PHLPP1: variants seen among roughly 807,000 people sequenced by gnomAD.
PHLPP1 encodes PH domain and leucine rich repeat protein phosphatase 1.
Under a neutral mutation model 117.2 loss-of-function variants are expected in PHLPP1, and 42 were observed. That is an observed-to-expected ratio of 0.36 (90% CI 0.28 to 0.46). The LOEUF is 0.46. PHLPP1 is among the 20% of genes least tolerant of loss of function. PHLPP1 has a pLI of 1.00. For synonymous variants in PHLPP1, 1,042 were observed against 970.7 expected (o/e 1.07, Z -1.37); for missense variants, 2,084 against 2,241.9 (o/e 0.93, Z 1.42).
At chr18:62,840,859 G>A (rs1485317633) in intron 3 of PHLPP1, among the ~76,000 whole-genome samples, 1 of 152,114 alleles carries the variant, frequency 6.6e-6, no homozygotes, top group Non-Finnish European at 1.5e-5. Context: ...ACCATCATTA[G>A]TACTTAACTC....
intron 10 of PHLPP1, among the ~76,000 whole-genome samples, chr18:62,937,050 T>C (rs2042791313): frequency 6.6e-6 from 1 of 152,252 alleles, no homozygotes; most frequent in Non-Finnish European, 1.5e-5. Flanking sequence ...AAAAATCATT[T>C]TTACAATACC....
intron 1 of PHLPP1, among the ~76,000 whole-genome samples, chr18:62,761,743 A>AC (rs1316356618): frequency 6.6e-6 from 1 of 151,842 alleles, no homozygotes; most frequent in African/African-American, 2.4e-5. Context: ...AAGTAGAGGT[A>AC]CTGAATTTGA....
intron 8 of PHLPP1, among the ~76,000 whole-genome samples, chr18:62,912,470 T>A (rs956936320): frequency 6.6e-6 from 1 of 151,862 alleles, no homozygotes; most frequent in Admixed American, 6.6e-5. Context: ...AAATCAGACA[T>A]TACCTAATTA....
intron 4 of PHLPP1, among the ~76,000 whole-genome samples, chr18:62,877,766 T>A (rs1916084072): frequency 6.6e-6 from 1 of 152,208 alleles, no homozygotes; most frequent in Non-Finnish European, 1.5e-5. Flanking sequence ...AGCCGGCAGG[T>A]GGTGCTTGGG....
chr18:62,926,759 A>G (rs1909638409), intron 10 of PHLPP1, among the ~76,000 whole-genome samples: 1 of 152,194 alleles, frequency 6.6e-6, no homozygotes, highest in South Asian at 2.1e-4. Flanking sequence ...ATTGCACCCT[A>G]CTGAGCTAGA....
At chr18:62,962,306 G>A (rs1380978723) in intron 13 of PHLPP1, among the ~76,000 whole-genome samples, 2 of 151,348 alleles carry the variant, frequency 1.3e-5, no homozygotes, top group African/African-American at 4.9e-5. Context: ...TATGTTATGT[G>A]TTATGTTATT....
intron 1 of PHLPP1, among the ~76,000 whole-genome samples, chr18:62,740,147 T>C (rs1345585965): frequency 7.0e-6 from 1 of 143,064 alleles, no homozygotes. Context: ...TAGGGGTGTG[T>C]ATGTGTTTGG....
chr18:62,789,307 C>G (rs973559685), intron 1 of PHLPP1, among the ~76,000 whole-genome samples: 1 of 151,210 alleles, frequency 6.6e-6, no homozygotes, highest in African/African-American at 2.4e-5. Flanking sequence ...TTAAAAGAAT[C>G]GTTGCTTGAA....
chr18:62,779,605 G>A (rs1913063463), intron 1 of PHLPP1: 1 of 152,144 alleles, frequency 6.6e-6, no homozygotes, highest in Non-Finnish European at 1.5e-5. Context: ...AAATTACTCA[G>A]TAATTGATTC....
chr18:62,811,294 T>C (rs1568124719), intron 1 of PHLPP1, among the ~76,000 whole-genome samples: 2 of 152,068 alleles, frequency 1.3e-5, no homozygotes, highest in Non-Finnish European at 2.9e-5. Flanking sequence ...TCAGAAACAA[T>C]CTTGAACAAT....
chr18:62,896,412 C>T (rs139848714), intron 6 of PHLPP1, among the ~76,000 whole-genome samples: 35 of 151,944 alleles, frequency 2.3e-4, no homozygotes, highest in African/African-American at 7.5e-4. Context: ...CTGTCTCAGC[C>T]TCCCTAGTAG....
At chr18:62,783,429 C>T (rs1317649431) in intron 1 of PHLPP1, among the ~76,000 whole-genome samples, 1 of 152,052 alleles carries the variant, frequency 6.6e-6, no homozygotes, top group African/African-American at 2.4e-5. Context: ...GGGGTTTCAC[C>T]ATGTTAGCCA....
rs1916703300 is a variant in PHLPP1 at position 62,900,717 on chromosome 18, G to A, written c.2445-2247G>A. On this transcript the variant is annotated intron_variant, in intron 6 of 16. Coordinates refer to ENST00000262719, the MANE Select transcript of PHLPP1 (RefSeq NM_194449.4). ...CCTTCTACTTCAGCCTCCCAAAGTG[G>A]TAGGATTACAGAGTTTGAGCTACCA... is the stretch of plus-strand genomic sequence containing the variant. Among the ~76,000 whole-genome samples the A allele has an allele frequency of 2.0e-5, 3 of 151,950 alleles. 1 individual carries two copies. In the South Asian group the frequency reaches 6.2e-4, roughly 31 times the overall value.
chr18:62,747,290 T>C (rs67996407), intron 1 of PHLPP1, among the ~76,000 whole-genome samples: 5,074 of 149,352 alleles, frequency 0.034, 119 homozygotes, highest in Middle Eastern at 0.059. Context: ...TTTTTTTTTT[T>C]TTTTTTTCTG....
intron 3 of PHLPP1, among the ~76,000 whole-genome samples, chr18:62,844,373 T>C (rs1380174906): frequency 6.6e-6 from 1 of 152,198 alleles, no homozygotes; most frequent in Non-Finnish European, 1.5e-5. Flanking sequence ...TAAAGTATTT[T>C]TCTTTATTCC....
At chr18:62,717,306 G>C in intron 1 of PHLPP1, 47 bp downstream of exon 1, 2 of 1,522,584 alleles carry the variant, frequency 1.3e-6, no homozygotes, top group Non-Finnish European at 1.8e-6. Context: ...AGCTGCCGAG[G>C]ACCGAGGAGT....
rs796719016 is a variant in PHLPP1 at position 62,822,280 on chromosome 18, G to GTTTT, written c.1577-7753_1577-7750dup. 1.9e-3 allele frequency among the ~76,000 whole-genome samples: 178 copies of GTTTT among 95,982 alleles called. 9 individuals carry two copies. Among genetic ancestry groups the GTTTT allele is most frequent in the African/African-American group, 6.6e-3 (142 of 21,614 alleles). 63.0% of individuals were successfully genotyped at this position (95,982 alleles called of 152,430 possible). ...AGAAAATAGTGTTTTTTTTTTTTTT[G>GTTTT]TTTTTGTTTTTTTTTTTTTGAGACA... On this transcript the variant is annotated intron_variant, in intron 1 of 16. Coordinates refer to ENST00000262719, the MANE Select transcript of PHLPP1 (RefSeq NM_194449.4).
At chr18:62,903,241 G>C (rs1916769836) in intron 7 of PHLPP1, 75 bp downstream of exon 7, 1 of 1,014,226 alleles carries the variant, frequency 9.9e-7, no homozygotes, top group Non-Finnish European at 1.5e-6. Flanking sequence ...TTCTGCTTCT[G>C]ATTATTCTTT....
At chr18:62,868,652 A>G (rs565797731) in intron 4 of PHLPP1, among the ~76,000 whole-genome samples, 1 of 152,106 alleles carries the variant, frequency 6.6e-6, no homozygotes, top group Non-Finnish European at 1.5e-5. Flanking sequence ...TTGTATCTTA[A>G]AATTGTATAT....
Sources: gnomAD v4.1 joint callset for allele counts (sites outside exome capture counted in the v4.1 genomes callset) on GRCh38, gnomAD v4.1.1 for gene constraint, MANE v1.5 for transcripts, NCBI Gene and HGNC (gene_info 2026-07-23, HGNC 2026-07-21) for gene names.